NAV3: variants seen among roughly 807,000 people sequenced by gnomAD.
The protein encoded by NAV3 is pore membrane and/or filament interacting like protein 1.
A neutral mutation model predicts 244.7 loss-of-function variants in NAV3; 87 were observed. The ratio of observed to expected loss-of-function variants is 0.36; its 90% CI spans 0.30 to 0.42. The LOEUF is 0.42. Ranked by LOEUF, NAV3 falls within the 20% of genes least tolerant of loss-of-function variation. The pLI is 1.00. For synonymous variants in NAV3, 1,126 were observed against 1,042.2 expected (o/e 1.08, Z -1.55); for missense variants, 2,663 against 2,893.3 (o/e 0.92, Z 1.83).
intron 8 of NAV3, among the ~76,000 whole-genome samples, chr12:78,007,833 G>C (rs567208831): frequency 6.6e-6 from 1 of 152,096 alleles, no homozygotes; most frequent in African/African-American, 2.4e-5. Flanking sequence ...GGTTATTTTT[G>C]TTGTCATCTT....
At chr12:78,134,525 A>C (rs1956292861) in intron 18 of NAV3, among the ~76,000 whole-genome samples, 1 of 152,220 alleles carries the variant, frequency 6.6e-6, no homozygotes, top group South Asian at 2.1e-4. Flanking sequence ...ATTTAAAACA[A>C]TATAATAAAC....
At chr12:78,132,071 A>G (rs576694054) in intron 18 of NAV3, among the ~76,000 whole-genome samples, 1 of 152,300 alleles carries the variant, frequency 6.6e-6, no homozygotes, top group African/African-American at 2.4e-5. Flanking sequence ...GTGCAAAGAT[A>G]AGTTTATGCT....
chr12:78,114,581 C>T (rs982960807), intron 12 of NAV3, among the ~76,000 whole-genome samples: 3 of 152,124 alleles, frequency 2.0e-5, no homozygotes, highest in Non-Finnish European at 4.4e-5. Context: ...TGAGAACTCA[C>T]TCTCTTGAGA....
chr12:77,728,954 C>G (rs1877004448), intron 2 of NAV3, among the ~76,000 whole-genome samples: 1 of 151,870 alleles, frequency 6.6e-6, no homozygotes. Context: ...GGATGAAGAC[C>G]TTTATGATAG....
At chr12:78,209,475 T>C (rs943181406) in intron 39 of NAV3, among the ~76,000 whole-genome samples, 2 of 152,098 alleles carry the variant, frequency 1.3e-5, no homozygotes, top group Non-Finnish European at 2.9e-5. Flanking sequence ...TAAAGACATG[T>C]GCCAATTTTT....
intron 38 of NAV3, among the ~76,000 whole-genome samples, chr12:78,201,573 T>TA (rs984973260): frequency 2.0e-5 from 3 of 152,008 alleles, no homozygotes; most frequent in Non-Finnish European, 2.9e-5. Context: ...AATGTATCAC[T>TA]AAAAAAAATC....
chr12:77,781,853 C>T (rs1055267119), intron 2 of NAV3, among the ~76,000 whole-genome samples: 6 of 152,116 alleles, frequency 3.9e-5, no homozygotes. Context: ...GAGAGAATGA[C>T]TAGGGCAAGT....
intron 2 of NAV3, among the ~76,000 whole-genome samples, chr12:77,821,895 G>A (rs537945689): frequency 2.8e-4 from 43 of 151,972 alleles, no homozygotes; most frequent in Non-Finnish European, 4.9e-4. Context: ...TTTTTAGGTT[G>A]CATTTTTTTA....
intron 2 of NAV3, among the ~76,000 whole-genome samples, chr12:77,588,076 T>G (rs539516712): frequency 9.2e-5 from 14 of 152,304 alleles, no homozygotes; most frequent in Non-Finnish European, 2.1e-4. Context: ...ATTCCCAAAT[T>G]TAACATACTT....
intron 38 of NAV3, among the ~76,000 whole-genome samples, chr12:78,201,607 G>A (rs1448440467): frequency 6.6e-6 from 1 of 151,852 alleles, no homozygotes; most frequent in Non-Finnish European, 1.5e-5. Flanking sequence ...CAAAATACAT[G>A]TCATTTTTCC....
chr12:77,606,983 C>T (rs1870697921), intron 2 of NAV3, among the ~76,000 whole-genome samples: 1 of 152,008 alleles, frequency 6.6e-6, no homozygotes, highest in Non-Finnish European at 1.5e-5. Context: ...TGATTGGATT[C>T]AGGAGACAAA....
intron 1 of NAV3, among the ~76,000 whole-genome samples, chr12:77,847,833 C>G (rs891253516): frequency 2.0e-5 from 3 of 152,182 alleles, no homozygotes; most frequent in African/African-American, 7.2e-5. Flanking sequence ...ATATATAGCA[C>G]TCTATCACGA....
At chr12:77,747,318 CA>C (rs1397216571) in intron 2 of NAV3, among the ~76,000 whole-genome samples, 1 of 152,006 alleles carries the variant, frequency 6.6e-6, no homozygotes, top group Non-Finnish European at 1.5e-5. Context: ...AAATGCAAAT[CA>C]AAACCACAAT....
intron 19 of NAV3, among the ~76,000 whole-genome samples, 165 bp from the exon 20 acceptor site, chr12:78,140,117 C>T (rs879728218): frequency 5.9e-5 from 9 of 152,128 alleles, no homozygotes; most frequent in Non-Finnish European, 1.0e-4. Context: ...CATGTCTCAA[C>T]GTCCTGACTG....
chr12:77,999,564 A>G (rs1164223483), intron 7 of NAV3, among the ~76,000 whole-genome samples: 1 of 152,196 alleles, frequency 6.6e-6, no homozygotes, highest in Non-Finnish European at 1.5e-5. Flanking sequence ...CTTTGGCCTA[A>G]AGCAAAAGTG....
At chr12:78,178,310 C>T (rs1958341043) in intron 28 of NAV3, among the ~76,000 whole-genome samples, 1 of 151,800 alleles carries the variant, frequency 6.6e-6, no homozygotes, top group African/African-American at 2.4e-5. Flanking sequence ...CAGGCGTGCA[C>T]CACCACACCT....
At chr12:77,619,653 GATAAA>G (rs1871283603) in intron 2 of NAV3, among the ~76,000 whole-genome samples, 1 of 152,080 alleles carries the variant, frequency 6.6e-6, no homozygotes, top group East Asian at 1.9e-4. Flanking sequence ...CTATTGAAGG[GATAAA>G]TGCCTTTGCT....
chr12:77,626,867 A>C (rs537862300), intron 2 of NAV3, among the ~76,000 whole-genome samples: 28 of 152,178 alleles, frequency 1.8e-4, no homozygotes, highest in Non-Finnish European at 2.6e-4. Flanking sequence ...AAACATACAA[A>C]AGTATAAAAC....
At chr12:77,825,592 T>A (rs1357585490) in intron 2 of NAV3, among the ~76,000 whole-genome samples, 2 of 152,112 alleles carry the variant, frequency 1.3e-5, no homozygotes, top group Non-Finnish European at 2.9e-5. Context: ...ATCCACTTTA[T>A]AAAGATACAG....
Sources: allele counts gnomAD v4.1 joint callset (sites outside exome capture counted in the v4.1 genomes callset), GRCh38; gene constraint gnomAD v4.1.1; transcripts MANE v1.5; gene names NCBI Gene and HGNC (gene_info 2026-07-23, HGNC 2026-07-21).